The following SORCS3 variants were observed in gnomAD, a reference collection of about 807,000 sequenced individuals.
SORCS3 encodes the protein sortilin related VPS10 domain containing receptor 3.
Under a neutral mutation model 146.3 loss-of-function variants are expected in SORCS3, and 57 were observed. That is an observed-to-expected ratio of 0.39 (90% confidence interval 0.31 to 0.49). The LOEUF (loss-of-function observed/expected upper bound fraction) is 0.49. Among genes scored for constraint, SORCS3 ranks in the 20% least tolerant of loss-of-function variants. The pLI, the probability that SORCS3 is intolerant of heterozygous loss-of-function variation, is 0.92. For missense variants in SORCS3, 1,341 were observed against 1,575.5 expected, an observed-to-expected ratio of 0.85 and a Z score of 2.52; for synonymous variants, 653 against 618.5, an observed-to-expected ratio of 1.06 and a Z score of -0.83.
At chr10:104,844,058 G>A (rs2133548188) in intron 2 of SORCS3, among the ~76,000 whole-genome samples, 1 of 152,250 alleles carries the variant, frequency 6.6e-6, no homozygotes, top group Admixed American at 6.5e-5. Context: ...AGGAAAGAGG[G>A]AGCAGTCGCA....
chr10:104,680,843 G>T (rs184036302), intron 1 of SORCS3, among the ~76,000 whole-genome samples: 1 of 152,178 alleles, frequency 6.6e-6, no homozygotes, highest in Admixed American at 6.5e-5. Flanking sequence ...GTTCTGAATC[G>T]CTCCTGAGAG....
chr10:104,766,831 T>C (rs2017186486), intron 1 of SORCS3, among the ~76,000 whole-genome samples: 1 of 152,226 alleles, frequency 6.6e-6, no homozygotes, highest in Non-Finnish European at 1.5e-5. Context: ...ACTTGAATTG[T>C]TTTTGAGAAA....
chr10:105,256,061 C>T (rs1024319608), intron 24 of SORCS3, among the ~76,000 whole-genome samples: 8 of 152,174 alleles, frequency 5.3e-5, no homozygotes, highest in African/African-American at 1.9e-4. Context: ...TTACTTGGGT[C>T]TTAACCTTAT....
At chr10:104,932,978 G>A (rs535245270) in intron 3 of SORCS3, among the ~76,000 whole-genome samples, 2 of 152,204 alleles carry the variant, frequency 1.3e-5, no homozygotes, top group East Asian at 1.9e-4. Context: ...TAATCCTCCT[G>A]TGTTGGCCTC....
chr10:104,776,644 T>TTTA, intron 1 of SORCS3, among the ~76,000 whole-genome samples: 1 of 152,132 alleles, frequency 6.6e-6, no homozygotes, highest in South Asian at 2.1e-4. Context: ...ATTGTCTATT[T>TTTA]ATCTTTTCTT....
At chr10:104,932,669 C>G (rs578181990) in intron 3 of SORCS3, among the ~76,000 whole-genome samples, 13 of 152,254 alleles carry the variant, frequency 8.5e-5, no homozygotes, top group African/African-American at 3.1e-4. Flanking sequence ...TAGTTCTATG[C>G]TTTGAACAAG....
intron 3 of SORCS3, among the ~76,000 whole-genome samples, chr10:104,976,850 A>G (rs1451013004): frequency 6.6e-6 from 1 of 151,726 alleles, no homozygotes; most frequent in Non-Finnish European, 1.5e-5. Context: ...ATAGGTGGGA[A>G]TTGAACAATG....
chr10:105,028,173 C>G (rs1265947653), intron 4 of SORCS3, among the ~76,000 whole-genome samples: 1 of 152,172 alleles, frequency 6.6e-6, no homozygotes, highest in Admixed American at 6.5e-5. Context: ...GCCCATTTCT[C>G]TCATTACCAT....
Position 104,657,366 on chromosome 10 carries a change from G to A in SORCS3, c.627+15412G>A, listed in dbSNP as rs753685495. Among the ~76,000 whole-genome samples the A allele has an allele frequency of 2.6e-5, 4 of 152,190 alleles. 1 individual carries two copies. Among genetic ancestry groups the A allele is most frequent in the South Asian group, 4.1e-4 (2 of 4,834 alleles). On this transcript the variant is annotated intron_variant, in intron 1 of 26. Coordinates refer to ENST00000369701, the MANE Select transcript of SORCS3 (RefSeq NM_014978.3). ...AGATTTAGGTGGTTTATTTTGCAGC[G>A]TTTTTGCAGCAGGTAAAATCAATAG...
chr10:104,826,598 C>T (rs771017411), intron 1 of SORCS3, among the ~76,000 whole-genome samples: 58 of 152,202 alleles, frequency 3.8e-4, no homozygotes, highest in Non-Finnish European at 6.5e-4. Context: ...AATGATTACC[C>T]GAGCCTTTAG....
intron 9 of SORCS3, among the ~76,000 whole-genome samples, chr10:105,153,283 A>T (rs1271351240): frequency 6.6e-6 from 1 of 152,070 alleles, no homozygotes; most frequent in Non-Finnish European, 1.5e-5. Flanking sequence ...ACATTGTTGA[A>T]TATATTGGTT....
At chr10:104,651,544 A>AAAC (rs1554841748) in intron 1 of SORCS3, among the ~76,000 whole-genome samples, 3 of 149,164 alleles carry the variant, frequency 2.0e-5, no homozygotes, top group Non-Finnish European at 3.0e-5. Flanking sequence ...AAAAAAAAAA[A>AAAC]AAAAAAAAAA....
At chr10:104,749,415 T>C (rs751705573) in intron 1 of SORCS3, among the ~76,000 whole-genome samples, 5 of 152,162 alleles carry the variant, frequency 3.3e-5, no homozygotes, top group Non-Finnish European at 4.4e-5. Flanking sequence ...AATCTTTATG[T>C]CTTCTTCATA....
At chr10:104,811,486 A>G (rs981545851) in intron 1 of SORCS3, among the ~76,000 whole-genome samples, 2 of 152,216 alleles carry the variant, frequency 1.3e-5, no homozygotes, top group Non-Finnish European at 2.9e-5. Flanking sequence ...GAGGAAATGG[A>G]AGCTATAGAG....
intron 1 of SORCS3, among the ~76,000 whole-genome samples, chr10:104,676,055 G>C (rs946587396): frequency 6.6e-6 from 1 of 152,168 alleles, no homozygotes; most frequent in East Asian, 1.9e-4. Context: ...GGGATCTGAT[G>C]CTTTGTGATA....
chr10:105,175,544 C>G lies in SORCS3; in HGVS notation c.1902-2522C>G, dbSNP rs74157458. Among the ~76,000 whole-genome samples, 1,215 of 152,270 alleles carry G rather than the reference C, an allele frequency of 8.0e-3. 22 individuals carry two copies. The highest frequency in any genetic ancestry group is 0.028 in the African/African-American group (1,155 of 41,554). ...GCCAGAGTTGACTTGTTAGTAGCCA[C>G]GACACACTCTGAAACAACTATGATT... On this transcript the variant is annotated intron_variant, in intron 13 of 26. Coordinates refer to ENST00000369701, the MANE Select transcript of SORCS3 (RefSeq NM_014978.3).
chr10:105,248,037 A>G (rs2056877494), intron 22 of SORCS3, among the ~76,000 whole-genome samples: 1 of 152,236 alleles, frequency 6.6e-6, no homozygotes, highest in Non-Finnish European at 1.5e-5. Context: ...TGCACTCAGA[A>G]GGCTACAGGC....
At chr10:104,656,372 G>A (rs1042587046) in intron 1 of SORCS3, among the ~76,000 whole-genome samples, 13 of 152,234 alleles carry the variant, frequency 8.5e-5, no homozygotes, top group Non-Finnish European at 1.3e-4. Context: ...ACAGCAAAGG[G>A]GTGGCCTGGC....
At chr10:104,969,847 T>C in intron 3 of SORCS3, among the ~76,000 whole-genome samples, 1 of 144,280 alleles carries the variant, frequency 6.9e-6, no homozygotes, top group Non-Finnish European at 1.5e-5. Flanking sequence ...TGGGCTTGTG[T>C]GTGTCTCTGT....
Sources: allele counts gnomAD v4.1 joint callset (sites outside exome capture counted in the v4.1 genomes callset), GRCh38; gene constraint gnomAD v4.1.1; transcripts MANE v1.5; gene names NCBI Gene and HGNC (gene_info 2026-07-23, HGNC 2026-07-21).